The following TENM3 variants were observed in gnomAD, a reference collection of about 807,000 sequenced individuals.
TENM3 encodes the protein teneurin-3.
In TENM3, 63 loss-of-function variants were observed where a neutral mutation model predicts 255.1. The observed-to-expected ratio is 0.25, with a 90% CI of 0.20 to 0.30. TENM3 has a LOEUF of 0.30. Ranked by LOEUF, TENM3 falls within the 10% of genes least tolerant of loss-of-function variation. The pLI is 1.00. For synonymous variants in TENM3, 1,306 were observed against 1,322.3 expected (o/e 0.99, Z 0.27); for missense variants, 2,929 against 3,461.1 (o/e 0.85, Z 3.86).
At chr4:181,603,752 G>T in the TENM3 span, among the ~76,000 whole-genome samples, 273 of 152,244 alleles carry the variant, frequency 1.8e-3, 1 homozygote, top group African/African-American at 6.2e-3. Flanking sequence ...CTTAAAACCC[G>T]TTGGAAATAA....
At chr4:181,468,131 A>AC in the TENM3 span, among the ~76,000 whole-genome samples, 51 of 135,250 alleles carry the variant, frequency 3.8e-4, 1 homozygote, top group Admixed American at 6.0e-4. Context: ...CCCCATCTGT[A>AC]CAAAAAAAAA....
intron 3 of TENM3, among the ~76,000 whole-genome samples, chr4:182,478,446 T>C (rs145420335): frequency 3.3e-5 from 5 of 152,046 alleles, no homozygotes; most frequent in East Asian, 1.9e-4. Flanking sequence ...GTTTCATATG[T>C]AGAGTTTTTT....
chr4:182,077,097 G>A, the TENM3 span, among the ~76,000 whole-genome samples: 1 of 152,108 alleles, frequency 6.6e-6, no homozygotes, highest in Admixed American at 6.5e-5. Context: ...TGGTATCCAG[G>A]TATCTCCTCA....
At chr4:181,754,746 C>A in the TENM3 span, among the ~76,000 whole-genome samples, 3 of 152,172 alleles carry the variant, frequency 2.0e-5, no homozygotes, top group Non-Finnish European at 2.9e-5. Flanking sequence ...CAACTACAGT[C>A]ATGACTCTCG....
intron 3 of TENM3, among the ~76,000 whole-genome samples, chr4:182,524,840 C>CAAAAAA (rs11354238): frequency 8.1e-6 from 1 of 122,924 alleles, no homozygotes; most frequent in African/African-American, 3.1e-5. Context: ...TCTGTCTCTA[C>CAAAAAA]AAAAAAAAAA....
At chr4:181,470,108 TAA>T in the TENM3 span, among the ~76,000 whole-genome samples, 36 of 112,748 alleles carry the variant, frequency 3.2e-4, no homozygotes, top group African/African-American at 9.1e-4. Flanking sequence ...ATAGCTTCTG[TAA>T]AAAAAAAAAA....
At chr4:182,058,979 T>TGTGTGTGTGC in the TENM3 span, among the ~76,000 whole-genome samples, 69 of 150,920 alleles carry the variant, frequency 4.6e-4, no homozygotes, top group African/African-American at 1.7e-3. Flanking sequence ...TGTGTGTGTG[T>TGTGTGTGTGC]GTTTGTGGCA....
At chr4:181,924,984 C>A in the TENM3 span, among the ~76,000 whole-genome samples, 1 of 152,110 alleles carries the variant, frequency 6.6e-6, no homozygotes, top group African/African-American at 2.4e-5. Context: ...GGATGAATAG[C>A]CTTATTGGTG....
At position 182,388,041 on chromosome 4, in the gene TENM3, T is replaced by C. The variant is rs1191161390; in HGVS notation, c.511+41112T>C. Among the ~76,000 whole-genome samples, 6 of 152,230 alleles carry C rather than the reference T, an allele frequency of 3.9e-5. No homozygotes were observed. The East Asian group carries it at 9.7e-4, about 24-fold the overall frequency. ...GCAAACGTGTAAGCATGTATCTGCA[T>C]GCCCCAATGGAGACTCGCACTTTCG... On this transcript the variant is annotated intron_variant, in intron 3 of 27. Transcript: ENST00000511685.
At chr4:181,879,605 G>A in the TENM3 span, among the ~76,000 whole-genome samples, 2 of 152,162 alleles carry the variant, frequency 1.3e-5, no homozygotes, top group Non-Finnish European at 2.9e-5. Flanking sequence ...AATTTGAGAA[G>A]ACATGGTTTT....
At chr4:181,892,951 C>T in the TENM3 span, among the ~76,000 whole-genome samples, 1 of 152,262 alleles carries the variant, frequency 6.6e-6, no homozygotes, top group South Asian at 2.1e-4. Context: ...GTGAATTCTA[C>T]CATTGAATTT....
Position 182,798,964 on chromosome 4 carries a change from T to G in TENM3, c.7345-632T>G, listed in dbSNP as rs1418360928. On this transcript the variant is annotated intron_variant, in intron 27 of 27. Transcript: ENST00000511685. Reference sequence around the variant, plus strand: ...ACATTTGCCAGTCTAGACGGTCCACTGTCCCTAAGTCTGAGAAAAATAATT... The same window carrying G: ...ACATTTGCCAGTCTAGACGGTCCACGGTCCCTAAGTCTGAGAAAAATAATT... 8.5e-5 allele frequency among the ~76,000 whole-genome samples: 13 copies of G among 152,230 alleles called. 1 individual carries two copies. The highest frequency in any genetic ancestry group is 6.5e-4 in the Admixed American group (10 of 15,288).
intron 3 of TENM3, among the ~76,000 whole-genome samples, chr4:182,551,800 C>T (rs546879959): frequency 6.6e-6 from 1 of 151,980 alleles, no homozygotes; most frequent in Non-Finnish European, 1.5e-5. Context: ...CTGGGAAGAT[C>T]GCTTGAGGCC....
chr4:181,463,309 T>C, the TENM3 span, among the ~76,000 whole-genome samples: 1 of 152,242 alleles, frequency 6.6e-6, no homozygotes, highest in East Asian at 1.9e-4. Context: ...CCCTTGCAAT[T>C]TATTTACCCT....
the TENM3 span, among the ~76,000 whole-genome samples, chr4:182,126,581 A>T: frequency 6.6e-6 from 1 of 152,186 alleles, no homozygotes. Context: ...TTAGCCTCTA[A>T]CGTGATCTTC....
At chr4:181,571,372 T>G in the TENM3 span, among the ~76,000 whole-genome samples, 2 of 152,192 alleles carry the variant, frequency 1.3e-5, no homozygotes, top group African/African-American at 2.4e-5. Flanking sequence ...GGTCTCACTC[T>G]GTTGCCCAGG....
the TENM3 span, among the ~76,000 whole-genome samples, chr4:181,825,416 A>AC: frequency 2.6e-5 from 4 of 151,056 alleles, no homozygotes; most frequent in Non-Finnish European, 5.9e-5. Flanking sequence ...AAAAAAAAAA[A>AC]AAAAAAAAAA....
At chr4:182,534,055 C>G (rs1476770200) in intron 3 of TENM3, among the ~76,000 whole-genome samples, 1 of 152,114 alleles carries the variant, frequency 6.6e-6, no homozygotes, top group African/African-American at 2.4e-5. Flanking sequence ...CTCATTGATT[C>G]AGTAGATGCT....
At chr4:182,185,824 G>T (rs575364504) in intron 1 of TENM3, among the ~76,000 whole-genome samples, 5 of 152,272 alleles carry the variant, frequency 3.3e-5, no homozygotes, top group African/African-American at 9.6e-5. Flanking sequence ...CATACGCTTC[G>T]CAGTGTGCCA....
Sources: allele counts gnomAD v4.1 joint callset (sites outside exome capture counted in the v4.1 genomes callset), GRCh38; gene constraint gnomAD v4.1.1; transcripts MANE v1.5; gene names NCBI Gene and HGNC (gene_info 2026-07-23, HGNC 2026-07-21).